The following ZNF248 variants were observed in gnomAD, a reference collection of about 807,000 sequenced individuals.
ZNF248 encodes the protein KRAB protein domain.
In ZNF248, 20 loss-of-function variants were observed where a neutral mutation model predicts 44.3. The ratio of observed to expected loss-of-function variants is 0.45; its 90% CI spans 0.32 to 0.66. The LOEUF is 0.66. Among genes scored for constraint, ZNF248 ranks in the 30% least tolerant of loss-of-function variants. The probability of loss-of-function intolerance (pLI) is 0.04; values close to 1 mark genes in which losing one functional copy is unlikely to be tolerated. For missense variants in ZNF248, 654 were observed against 677.0 expected, an observed-to-expected ratio of 0.97 and a Z score of 0.38; for synonymous variants, 224 against 229.0, an observed-to-expected ratio of 0.98 and a Z score of 0.20.
downstream of ZNF248, among the ~76,000 whole-genome samples, chr10:37,774,417 T>C (rs1355871286): frequency 6.6e-6 from 1 of 152,198 alleles, no homozygotes; most frequent in Non-Finnish European, 1.5e-5. Context: ...ACCTTTTGTG[T>C]TTCAGCTCTC....
chr10:37,842,379 C>T (rs983643673), intron 3 of ZNF248, among the ~76,000 whole-genome samples: 37 of 152,106 alleles, frequency 2.4e-4, no homozygotes, highest in Non-Finnish European at 4.4e-4. Flanking sequence ...CTGACCGCAA[C>T]CAAGTAGATG....
At chr10:37,798,898 C>A (rs772853760) in intron 6 of ZNF248, among the ~76,000 whole-genome samples, 6 of 151,802 alleles carry the variant, frequency 4.0e-5, no homozygotes, top group Non-Finnish European at 7.4e-5. Flanking sequence ...CATTGCCCAA[C>A]CTATATGCAC....
At chr10:37,811,742 A>T (rs2051549243) in intron 6 of ZNF248, among the ~76,000 whole-genome samples, 1 of 151,734 alleles carries the variant, frequency 6.6e-6, no homozygotes, top group Non-Finnish European at 1.5e-5. Context: ...GCTGCTTGGG[A>T]AGCTGAGGTG....
rs528961227 is a variant in ZNF248 at position 37,778,891 on chromosome 10, C to T, written c.331-2316G>A. ...TCAGAGAATACTACAAACACCTCTA[C>T]GCAAATAAACTAGAAAATCTAGAAG... On this transcript the variant is annotated intron_variant, in intron 6 of 6. Coordinates refer to the ZNF248 transcript ENST00000615949. 5.3e-3 allele frequency among the ~76,000 whole-genome samples: 801 copies of T among 152,162 alleles called. 2 individuals are homozygous for T. The highest frequency in any genetic ancestry group is 8.4e-3 in the Non-Finnish European group (570 of 67,982).
downstream of ZNF248, among the ~76,000 whole-genome samples, chr10:37,774,907 A>G (rs1272966084): frequency 6.6e-6 from 1 of 152,062 alleles, no homozygotes; most frequent in Non-Finnish European, 1.5e-5. Flanking sequence ...CAGCCTCCCA[A>G]GTAGCTGGCC....
At chr10:37,776,135 G>C (rs1204712347), downstream of ZNF248, 1 of 154,086 alleles carries the variant, frequency 6.5e-6, no homozygotes, top group East Asian at 1.9e-4. Flanking sequence ...TCTGGACAAA[G>C]ACCATGGAGA....
At chr10:37,787,857 A>G (rs2048067046) in intron 6 of ZNF248, among the ~76,000 whole-genome samples, 1 of 152,242 alleles carries the variant, frequency 6.6e-6, no homozygotes. Context: ...TTTCATTAAA[A>G]GTGACAGCTA....
At chr10:37,759,683 TTAGAATGTTGC>T in the ZNF248 span, among the ~76,000 whole-genome samples, 2 of 152,308 alleles carry the variant, frequency 1.3e-5, no homozygotes, top group South Asian at 4.1e-4. Flanking sequence ...TAGGCAGTGG[TTAGAATGTTGC>T]TCAGTCAGAC....
the ZNF248 span, among the ~76,000 whole-genome samples, chr10:37,759,864 G>A: frequency 1.3e-5 from 2 of 152,220 alleles, no homozygotes; most frequent in African/African-American, 2.4e-5. Flanking sequence ...ATGCATCGGT[G>A]TCCAGATGAG....
At chr10:37,842,058 A>G (rs1457220914) in intron 3 of ZNF248, among the ~76,000 whole-genome samples, 2 of 152,210 alleles carry the variant, frequency 1.3e-5, no homozygotes, top group Admixed American at 6.5e-5. Flanking sequence ...ACTTAATAAT[A>G]TATCAGTATT....
At chr10:37,759,444 C>T in the ZNF248 span, among the ~76,000 whole-genome samples, 1 of 152,166 alleles carries the variant, frequency 6.6e-6, no homozygotes, top group Non-Finnish European at 1.5e-5. Context: ...TATGAAACCC[C>T]TTAATGTGTT....
intron 6 of ZNF248, among the ~76,000 whole-genome samples, chr10:37,815,945 G>T (rs149930172): frequency 1.3e-5 from 2 of 149,692 alleles, no homozygotes; most frequent in African/African-American, 2.5e-5. Flanking sequence ...CTCTGTATAC[G>T]TGGTTGCTAA....
downstream of ZNF248, among the ~76,000 whole-genome samples, chr10:37,773,143 G>T (rs758168556): frequency 6.6e-6 from 1 of 152,184 alleles, no homozygotes; most frequent in South Asian, 2.1e-4. Flanking sequence ...CTACTCAGGA[G>T]GCTGAGGCAG....
chr10:37,833,295 A>AT (rs2133951153), intron 5 of ZNF248, among the ~76,000 whole-genome samples, 179 bp from the exon 6 acceptor site: 1 of 152,302 alleles, frequency 6.6e-6, no homozygotes, highest in East Asian at 1.9e-4. Flanking sequence ...GGAAAACATA[A>AT]AACATGCTTC....
At chr10:37,850,284 CTTGA>C (rs1442479704) in intron 3 of ZNF248, among the ~76,000 whole-genome samples, 5 of 152,030 alleles carry the variant, frequency 3.3e-5, no homozygotes, top group African/African-American at 4.8e-5. Context: ...GAATGAATGA[CTTGA>C]TTAAGAAAGA....
At chr10:37,785,819 C>A (rs1302290852) in intron 6 of ZNF248, among the ~76,000 whole-genome samples, 2 of 152,162 alleles carry the variant, frequency 1.3e-5, no homozygotes, top group Non-Finnish European at 2.9e-5. Context: ...TACCCAGATT[C>A]TTGAAGATTG....
chr10:37,770,536 TAATA>T, the ZNF248 span, among the ~76,000 whole-genome samples: 6 of 152,144 alleles, frequency 3.9e-5, no homozygotes, highest in African/African-American at 1.4e-4. Context: ...ATTCCCTATT[TAATA>T]AATGGTGCTG....
In ZNF248 at chr10:37,829,774, G is replaced by A. The variant is rs940121536; in HGVS notation, c.*1841C>T. ...TCTCTTCTCATGTCATGACAATGTTGTATCAAGGAGATCTTTCCCAGAAGT... is the reference window on the plus strand; with the variant it reads ...TCTCTTCTCATGTCATGACAATGTTATATCAAGGAGATCTTTCCCAGAAGT... On this transcript the variant is annotated 3_prime_UTR_variant, in exon 6 of 6. Coordinates refer to ENST00000395867, the MANE Select transcript of ZNF248 (RefSeq NM_021045.3). 1.0e-6 allele frequency: 1 copy of A among 985,242 alleles called. No individual in the cohort carries two copies. The highest frequency in any genetic ancestry group is 1.7e-5 in the African/African-American group (1 of 57,212). The allele number at this position is 985,242 out of a possible 1,614,324, so 61.0% of individuals were successfully genotyped here.
At chr10:37,839,043 C>G (rs144795696) in intron 3 of ZNF248, among the ~76,000 whole-genome samples, 1 of 152,108 alleles carries the variant, frequency 6.6e-6, no homozygotes, top group Admixed American at 6.5e-5. Flanking sequence ...CTGATAAGAA[C>G]GGCTCACTAA....
Sources: allele counts gnomAD v4.1 joint callset (sites outside exome capture counted in the v4.1 genomes callset), GRCh38; gene constraint gnomAD v4.1.1; transcripts MANE v1.5; gene names NCBI Gene and HGNC (gene_info 2026-07-23, HGNC 2026-07-21).